The following INPP5D variants were observed in gnomAD, a reference collection of about 807,000 sequenced individuals.
INPP5D encodes inositol polyphosphate-5-phosphatase D, also known as phosphatidylinositol 3,4,5-trisphosphate 5-phosphatase 1.
INPP5D carries 33 observed loss-of-function variants against 122.9 expected under a neutral mutation model. The observed-to-expected ratio is 0.27, with a 90% CI of 0.20 to 0.36. The LOEUF (loss-of-function observed/expected upper bound fraction) is 0.36, where lower values mean the gene tolerates loss of function less well. Among genes scored for constraint, INPP5D ranks in the 10% least tolerant of loss-of-function variants. INPP5D has a pLI of 1.00. For missense variants in INPP5D, 1,053 were observed against 1,412.7 expected (o/e 0.75, Z 4.08); for synonymous variants, 584 against 576.2 (o/e 1.01, Z -0.19).
chr2:233,206,686 CT>C lies in INPP5D; in HGVS notation c.3568-18del, dbSNP rs1299659174. The C allele has an allele frequency of 1.3e-6, 1 of 772,862 alleles. No individual in the cohort carries two copies. The highest frequency in any genetic ancestry group is 2.4e-6 in the Non-Finnish European group (1 of 414,564). The allele number at this position is 772,862 out of a possible 1,614,324, so 47.9% of individuals were successfully genotyped here. On this transcript the variant is annotated intron_variant, in intron 26 of 26. Transcript: ENST00000445964. The surrounding 1 kb of genome is among the most constrained non-coding windows in gnomAD (Gnocchi z 4.0). ...CTGGTGAGAATGAGCCCTGACAGCC[CT>C]TCTGTTCTTGTCCCACAGTGAAGCC... is the stretch of plus-strand genomic sequence containing the variant.
Position 233,183,001 on chromosome 2 carries a change from G to A in INPP5D, c.2161+502G>A, listed in dbSNP as rs1478885933. On this transcript the variant is annotated intron_variant, in intron 19 of 26. Coordinates refer to ENST00000445964, the MANE Select transcript of INPP5D (RefSeq NM_001017915.3). The surrounding 1 kb of genome is among the most constrained non-coding windows in gnomAD (Gnocchi z 4.6). ...ATGAAGTAAAGAGTAGCACAGGTGC[G>A]TGGTAGGCAGAGATGGTAAAAATCG... Among the ~76,000 whole-genome samples the A allele has an allele frequency of 3.9e-5, 6 of 152,158 alleles. No individual in the cohort carries two copies. The highest frequency in any genetic ancestry group is 8.8e-5 in the Non-Finnish European group (6 of 68,024).
chr2:233,121,461 AT>A (rs1364878453), intron 2 of INPP5D, among the ~76,000 whole-genome samples: 1 of 151,522 alleles, frequency 6.6e-6, no homozygotes, highest in Non-Finnish European at 1.5e-5. Flanking sequence ...AAAAAAATCC[AT>A]ATTTCTAATT....
chr2:233,149,148 GA>G (rs1323872651), intron 9 of INPP5D, among the ~76,000 whole-genome samples: 26 of 131,152 alleles, frequency 2.0e-4, no homozygotes, highest in African/African-American at 5.9e-4. Flanking sequence ...CTATCACCCA[GA>G]CTGGAGTGCA....
At chr2:233,126,344 G>A (rs933394872) in intron 4 of INPP5D, among the ~76,000 whole-genome samples, 3 of 152,186 alleles carry the variant, frequency 2.0e-5, no homozygotes, top group African/African-American at 4.8e-5. Context: ...CCAACTTGAA[G>A]GATCCATCTG....
intron 1 of INPP5D, among the ~76,000 whole-genome samples, chr2:233,072,814 C>T (rs1281707234): frequency 6.6e-6 from 1 of 152,192 alleles, no homozygotes; most frequent in African/African-American, 2.4e-5. Context: ...TTCATTTTCT[C>T]ATTTCTAACT....
intron 13 of INPP5D, chr2:233,168,928 T>C (rs1336301600): frequency 1.3e-5 from 3 of 224,400 alleles, no homozygotes; most frequent in Non-Finnish European, 2.7e-5. Context: ...TGTGGGTTTT[T>C]GGTCTCCCCA....
intron 10 of INPP5D, 105 bp downstream of exon 10, chr2:233,158,524 C>T: frequency 1.8e-6 from 1 of 551,900 alleles, no homozygotes; most frequent in Non-Finnish European, 3.2e-6. Flanking sequence ...TCACTCAGTT[C>T]CCAGAACAAC....
chr2:233,129,342 C>T (rs1300823520), intron 4 of INPP5D, among the ~76,000 whole-genome samples: 1 of 152,172 alleles, frequency 6.6e-6, no homozygotes, highest in African/African-American at 2.4e-5. Context: ...AAGTGCTTAG[C>T]ATAGTGTCTG....
chr2:233,171,210 T>C, intron 17 of INPP5D, 58 bp downstream of exon 17: 1 of 1,586,712 alleles, frequency 6.3e-7, no homozygotes, highest in Non-Finnish European at 8.6e-7. Context: ...CTGGTGTCTG[T>C]TCCCAAAAGG....
In INPP5D at chr2:233,204,244, G is replaced by C. The variant is rs1486382912; in HGVS notation, c.3094G>C (p.Ala1032Pro). 19 of 1,613,564 alleles carry C rather than the reference G, an allele frequency of 1.2e-5. No homozygotes were observed. Among genetic ancestry groups the C allele is most frequent in the Non-Finnish European group, 1.6e-5 (19 of 1,179,858 alleles). Residue 1032 changes from alanine (A) to proline (P), a missense_variant, in exon 26 of 27, where the codon GCT becomes CCT. Transcript: ENST00000445964. ...YGSLSSFPKPAPRKDQESPKM... is the reference protein window; with the variant it reads ...YGSLSSFPKPPPRKDQESPKM... ...GTCCCTGAGTTCCTTCCCTAAGCCT[G>C]CTCCCAGGAAGGACCAGGAATCCCC...
chr2:233,087,370 G>A (rs1203741686), intron 2 of INPP5D, among the ~76,000 whole-genome samples: 1 of 151,974 alleles, frequency 6.6e-6, no homozygotes, highest in Non-Finnish European at 1.5e-5. Context: ...TCACCAGGCT[G>A]GAGTGCAGTG....
Position 233,161,744 on chromosome 2 carries a change from G to A in INPP5D, c.1158G>A (p.Gln386=). 2 of 1,613,216 alleles carry A rather than the reference G, an allele frequency of 1.2e-6. No individual in the cohort carries two copies. Among genetic ancestry groups the A allele is most frequent in the East Asian group, 2.2e-5 (1 of 44,838 alleles). Residue 386 remains glutamine (Q), a synonymous_variant, in exon 11 of 27, where the codon CAG becomes CAA. Coordinates refer to ENST00000445964, the MANE Select transcript of INPP5D (RefSeq NM_001017915.3). ...ADSKKREGFC[Q]LLQQMKNKHS... ...CCTAGAAGAGAGAAGGCTTCTGCCA[G>A]CTCCTGCAGCAGATGAAGAACAAGC...
chr2:233,201,253 C>G (rs1284135920), intron 25 of INPP5D, among the ~76,000 whole-genome samples: 1 of 152,076 alleles, frequency 6.6e-6, no homozygotes. Flanking sequence ...TTTGGAGACC[C>G]CAGGAAATGG....
At chr2:233,121,121 C>CTTTTTTTTTTTCTTTTTTTT (rs1559302919) in intron 2 of INPP5D, among the ~76,000 whole-genome samples, 3 of 117,648 alleles carry the variant, frequency 2.5e-5, no homozygotes, top group Non-Finnish European at 3.6e-5. Context: ...TTCTTTCTTT[C>CTTTTTTTTTTTCTTTTTTTT]TTTTTTTTTT....
chr2:233,084,909 C>T (rs750484249), intron 2 of INPP5D, among the ~76,000 whole-genome samples: 1 of 152,230 alleles, frequency 6.6e-6, no homozygotes, highest in African/African-American at 2.4e-5. Flanking sequence ...TTCTAGAAGC[C>T]TGCATTTTGA....
chr2:233,177,178 C>G lies in INPP5D; in HGVS notation c.1990-87C>G. ...CAACAGCCGATGAATTTGAGGATTACAGAGGCCACCAGTTAATCTGTTCTT... is the reference window on the plus strand; with the variant it reads ...CAACAGCCGATGAATTTGAGGATTAGAGAGGCCACCAGTTAATCTGTTCTT... On this transcript the variant is annotated intron_variant, in intron 17 of 26. Transcript: ENST00000445964. This position sits in a 1 kb window ranked among gnomAD's most constrained non-coding sequence, Gnocchi z 4.2. 1 of 1,551,638 alleles carries G rather than the reference C, an allele frequency of 6.4e-7. No individual in the cohort carries two copies. The highest frequency in any genetic ancestry group is 8.8e-7 in the Non-Finnish European group (1 of 1,137,552).
chr2:233,067,597 T>G (rs918346818), intron 1 of INPP5D, among the ~76,000 whole-genome samples: 3 of 152,244 alleles, frequency 2.0e-5, no homozygotes, highest in Non-Finnish European at 4.4e-5. Context: ...TCTAACACTT[T>G]GAGGAACAGC....
intron 2 of INPP5D, among the ~76,000 whole-genome samples, chr2:233,114,098 TG>T (rs1692715743): frequency 6.6e-6 from 1 of 152,034 alleles, no homozygotes; most frequent in Non-Finnish European, 1.5e-5. Flanking sequence ...TTAGTAGAGA[TG>T]GGGTTTCACT....
chr2:233,186,467 A>T (rs946530970), intron 21 of INPP5D, among the ~76,000 whole-genome samples: 3 of 152,104 alleles, frequency 2.0e-5, no homozygotes, highest in Non-Finnish European at 4.4e-5. Flanking sequence ...GGAAACACTC[A>T]GCCAGACCTT....
Sources: allele counts gnomAD v4.1 joint callset (sites outside exome capture counted in the v4.1 genomes callset), GRCh38; gene constraint gnomAD v4.1.1; non-coding constraint Gnocchi (gnomAD v3.1); transcripts MANE v1.5; gene names NCBI Gene and HGNC (gene_info 2026-07-23, HGNC 2026-07-21).